Variants in FERMT2 observed in about 807,000 individuals in gnomAD.
FERMT2 encodes fermitin family homolog 2.
A neutral mutation model predicts 82.7 loss-of-function variants in FERMT2; 15 were observed. The observed-to-expected ratio is 0.18, with a 90% CI of 0.12 to 0.28. The LOEUF is 0.28. Among genes scored for constraint, FERMT2 ranks in the 10% least tolerant of loss-of-function variants. The probability of loss-of-function intolerance (pLI) is 1.00; values close to 1 mark genes in which losing one functional copy is unlikely to be tolerated. For synonymous variants in FERMT2, 274 were observed against 271.5 expected (o/e 1.01, Z -0.09); for missense variants, 645 against 809.4 (o/e 0.80, Z 2.46).
chr14:52,858,598 C>A, intron 14 of FERMT2, 48 bp from the exon 15 acceptor site: 1 of 1,581,112 alleles, frequency 6.3e-7, no homozygotes, highest in South Asian at 1.1e-5. Context: ...TGCTAGGTGG[C>A]TGGGTCCACA....
chr14:52,930,541 C>T (rs1216626969), intron 2 of FERMT2, among the ~76,000 whole-genome samples: 1 of 152,156 alleles, frequency 6.6e-6, no homozygotes, highest in Non-Finnish European at 1.5e-5. Flanking sequence ...AAAGGGAATG[C>T]TGCTGCCAAG....
intron 3 of FERMT2, among the ~76,000 whole-genome samples, chr14:52,900,510 A>T (rs1365495257): frequency 6.6e-6 from 1 of 152,218 alleles, no homozygotes; most frequent in Non-Finnish European, 1.5e-5. Context: ...TCACGTAAAA[A>T]ATAAAGAAAA....
In FERMT2 at chr14:52,875,235, C is replaced by T. The variant is rs987564355; in HGVS notation, c.1086G>A (p.Thr362=). 3.7e-6 allele frequency: 6 copies of T among 1,601,774 alleles called. No homozygotes were observed. Among genetic ancestry groups the T allele is most frequent in the African/African-American group, 1.3e-5 (1 of 74,228 alleles). Reference sequence around the variant, plus strand: ...AGATTCACCCTACCAAAATTGTTGACGTTTTACCCCCTTCCAGAGTAATCT... The same window carrying T: ...AGATTCACCCTACCAAAATTGTTGATGTTTTACCCCCTTCCAGAGTAATCT... ...DLEITLEGGK[T]STILGDITSI... is the part of the protein sequence containing the mutation. Residue 362 remains threonine (T), a synonymous_variant, in exon 8 of 15, where the codon ACG becomes ACA. Coordinates refer to ENST00000341590, the MANE Select transcript of FERMT2 (RefSeq NM_006832.3).
intron 2 of FERMT2, among the ~76,000 whole-genome samples, chr14:52,938,351 AT>A (rs1889943097): frequency 6.6e-6 from 1 of 152,234 alleles, no homozygotes; most frequent in Admixed American, 6.5e-5. Flanking sequence ...ATAACTGTAG[AT>A]TACATTTTAT....
At position 52,950,543 on chromosome 14, in the gene FERMT2, G is replaced by A. The variant is rs1014128205; in HGVS notation, c.26C>T (p.Pro9Leu). Residue 9 changes from proline (P) to leucine (L), a missense_variant, in exon 2 of 15, where the codon CCA (proline) becomes CTA (leucine). By Grantham distance (98) the Pro-to-Leu change is moderately conservative. Coordinates refer to ENST00000341590, the MANE Select transcript of FERMT2 (RefSeq NM_006832.3). The part of the protein sequence containing the change: MALDGIRM[P>L]DGCYADGTWE... ...CGTCCCGTCCGCGTAGCAGCCATCT[G>A]GCATCCTTATCCCGTCCAGAGCCAT... is the stretch of plus-strand genomic sequence containing the variant. 12 of 1,614,048 alleles carry A rather than the reference G, an allele frequency of 7.4e-6. No homozygotes were observed. The highest frequency in any genetic ancestry group is 6.7e-5 in the Admixed American group (4 of 60,000).
intron 2 of FERMT2, among the ~76,000 whole-genome samples, chr14:52,949,266 G>C (rs1016309480): frequency 2.0e-5 from 3 of 151,688 alleles, no homozygotes; most frequent in African/African-American, 7.3e-5. Context: ...AAATGCATCA[G>C]AGTGCTATTT....
intron 3 of FERMT2, among the ~76,000 whole-genome samples, chr14:52,914,799 A>G (rs1341892394): frequency 6.6e-6 from 1 of 151,864 alleles, no homozygotes; most frequent in East Asian, 1.9e-4. Flanking sequence ...GCGCAACTGT[A>G]GTCCCAGCTG....
At chr14:52,901,440 T>A (rs73304328) in intron 3 of FERMT2, among the ~76,000 whole-genome samples, 3,477 of 152,154 alleles carry the variant, frequency 0.023, 136 homozygotes, top group African/African-American at 0.08. Flanking sequence ...CTGTGAGGAG[T>A]TTTTGCAAAT....
At chr14:52,866,137 AAAACT>A (rs1211329192) in intron 10 of FERMT2, among the ~76,000 whole-genome samples, 5 of 152,204 alleles carry the variant, frequency 3.3e-5, no homozygotes, top group African/African-American at 9.7e-5. Context: ...AAAAAACAAG[AAAACT>A]AAACAGGGAG....
In FERMT2 at chr14:52,858,139, TCA is replaced by T. The variant is rs1884680959; in HGVS notation, c.*236_*237del. On this transcript the variant is annotated 3_prime_UTR_variant, in exon 15 of 15. Coordinates refer to ENST00000341590, the MANE Select transcript of FERMT2 (RefSeq NM_006832.3). ...GTTTGTTCCTGATTTGCCCACTATTTCAGTTTTCAATTCATGGCCCTAAGGAA... is the reference window on the plus strand; with the variant it reads ...GTTTGTTCCTGATTTGCCCACTATTTGTTTTCAATTCATGGCCCTAAGGAA... 4 of 457,838 alleles carry T rather than the reference TCA, an allele frequency of 8.7e-6. No individual in the cohort carries two copies. The South Asian group carries it at 1.3e-4, about 15-fold the overall frequency. 28.4% of individuals were successfully genotyped at this position (457,838 alleles called of 1,614,324 possible).
chr14:52,871,373 G>C (rs138947814), intron 10 of FERMT2: 3 of 152,422 alleles, frequency 2.0e-5, no homozygotes, highest in African/African-American at 7.2e-5. Flanking sequence ...CATGTGCCAA[G>C]GGTGTGTGCT....
In FERMT2 at chr14:52,858,581, T is replaced by TC. The variant is rs777222342; in HGVS notation, c.1870-32dup. ...ACAAAGACAAGAGCCATCAGTGCTGTCCCAAATGCTAGGTGGCTGGGTCCA... is the reference window on the plus strand; with the variant it reads ...ACAAAGACAAGAGCCATCAGTGCTGTCCCCAAATGCTAGGTGGCTGGGTCCA... On this transcript the variant is annotated intron_variant, in intron 14 of 14. Transcript: ENST00000341590. 21 of 1,606,174 alleles carry TC rather than the reference T, an allele frequency of 1.3e-5. No homozygotes were observed. The South Asian group carries it at 2.3e-4, about 18-fold the overall frequency.
At chr14:52,865,243 C>T (rs1414714397) in intron 10 of FERMT2, among the ~76,000 whole-genome samples, 1 of 152,126 alleles carries the variant, frequency 6.6e-6, no homozygotes, top group African/African-American at 2.4e-5. Context: ...ATCACTTGAA[C>T]CTGTGAGGTG....
intron 6 of FERMT2, 70 bp downstream of exon 6, chr14:52,880,966 A>AAAAC (rs1886259212): frequency 9.9e-7 from 1 of 1,005,100 alleles, no homozygotes. Context: ...CCGACTTCCA[A>AAAAC]AAACAAACAT....
chr14:52,906,747 AATTAGCAGCAGAAAG>A (rs1391732073), intron 3 of FERMT2, among the ~76,000 whole-genome samples: 1 of 152,162 alleles, frequency 6.6e-6, no homozygotes, highest in Non-Finnish European at 1.5e-5. Flanking sequence ...ATTAACAGCA[AATTAGCAGCAGAAAG>A]ATCAATGGAC....
At chr14:52,894,922 TAA>T (rs1887172597) in intron 3 of FERMT2, among the ~76,000 whole-genome samples, 1 of 149,106 alleles carries the variant, frequency 6.7e-6, no homozygotes, top group Admixed American at 6.7e-5. Context: ...ACCTACTCTT[TAA>T]AAGACACTGT....
chr14:52,903,809 G>GTTT (rs1243833097), intron 3 of FERMT2, among the ~76,000 whole-genome samples: 3 of 152,074 alleles, frequency 2.0e-5, no homozygotes, highest in Admixed American at 2.0e-4. Flanking sequence ...AAAACTCAAA[G>GTTT]ATCAAATACA....
rs1884647229 is a variant in FERMT2, at chr14:52,857,565, A to G, written c.*812T>C. 1 of 152,674 alleles carries G rather than the reference A, an allele frequency of 6.5e-6. No homozygotes were observed. The highest frequency in any genetic ancestry group is 1.5e-5 in the Non-Finnish European group (1 of 68,052). The allele number at this position is 152,674 out of a possible 1,614,324, so 9.5% of individuals were successfully genotyped here. A position where few individuals can be genotyped will look rare whatever the true frequency, so the allele number is the denominator to read the frequency against. Reference sequence around the variant, plus strand: ...TAATTATATCTCTTAAAGGCATTTAATTAACGCAGAGATTGCTACATTTAA... The same window carrying G: ...TAATTATATCTCTTAAAGGCATTTAGTTAACGCAGAGATTGCTACATTTAA... On this transcript the variant is annotated 3_prime_UTR_variant, in exon 15 of 15. Transcript: ENST00000341590.
At chr14:52,872,530 T>G (rs1290367266) in intron 10 of FERMT2, among the ~76,000 whole-genome samples, 1 of 151,990 alleles carries the variant, frequency 6.6e-6, no homozygotes, top group Non-Finnish European at 1.5e-5. Flanking sequence ...CAAGACTCCC[T>G]CTCAAAAAAC....
Sources: gnomAD v4.1 joint callset for allele counts (sites outside exome capture counted in the v4.1 genomes callset) on GRCh38, gnomAD v4.1.1 for gene constraint, MANE v1.5 for transcripts, NCBI Gene and HGNC (gene_info 2026-07-23, HGNC 2026-07-21) for gene names.